The following THADA variants were observed in gnomAD, a reference collection of about 807,000 sequenced individuals.
The protein encoded by THADA is tRNA (32-2'-O)-methyltransferase regulator THADA.
THADA carries 213 observed loss-of-function variants against 219.8 expected under a neutral mutation model. That is an observed-to-expected ratio of 0.97 (90% CI 0.87 to 1.09). The LOEUF (loss-of-function observed/expected upper bound fraction) is 1.09, where lower values mean the gene tolerates loss of function less well. Ranked by LOEUF, THADA falls within the 50% of genes least tolerant of loss-of-function variation. The probability of loss-of-function intolerance (pLI) is 0.00; values close to 1 mark genes in which losing one functional copy is unlikely to be tolerated. For missense variants in THADA, 2,956 were observed against 2,311.3 expected (o/e 1.28, Z -5.72); for synonymous variants, 1,018 against 828.9 (o/e 1.23, Z -3.92).
intron 10 of THADA, among the ~76,000 whole-genome samples, chr2:43,576,279 G>A (rs1470438298): frequency 6.6e-6 from 1 of 152,116 alleles, no homozygotes; most frequent in African/African-American, 2.4e-5. Context: ...GTATTATCAA[G>A]CTGTATATAT....
At chr2:43,368,561 C>A (rs887782509) in intron 29 of THADA, among the ~76,000 whole-genome samples, 1 of 151,720 alleles carries the variant, frequency 6.6e-6, no homozygotes, top group Non-Finnish European at 1.5e-5. Flanking sequence ...CCACCATGTC[C>A]GGCTATTTTT....
Position 43,423,188 on chromosome 2 carries a change from T to A in THADA, c.4058+4912A>T, listed in dbSNP as rs913852799. Among the ~76,000 whole-genome samples the A allele has an allele frequency of 4.6e-5, 7 of 152,256 alleles. No homozygotes were observed. The East Asian group carries it at 7.7e-4, about 17-fold the overall frequency. On this transcript the variant is annotated intron_variant, in intron 28 of 37. Transcript: ENST00000405975. The stretch of plus-strand genomic sequence containing the variant: ...TGTCAGTCCTATGCTTGAAGGTTAT[T>A]TTGAATCTTAATTTGCTCACAAATT...
intron 31 of THADA, among the ~76,000 whole-genome samples, chr2:43,297,784 C>T (rs1675701301): frequency 8.3e-6 from 1 of 120,396 alleles, no homozygotes; most frequent in Admixed American, 7.6e-5. Flanking sequence ...GGGGGGTCGG[C>T]CCCCCGCCCG....
At position 43,590,845 on chromosome 2, in the gene THADA, G is replaced by C; in HGVS notation, c.281C>G (p.Pro94Arg). Residue 94 changes from proline (P) to arginine (R), a missense_variant, in exon 4 of 38, where the codon CCC becomes CGC. Pro to Arg is a moderately radical substitution (Grantham distance 103). Transcript: ENST00000405975. ...TTACCTTGCCAATACTTTCTTCAAG[G>C]GATTCTTTAGACTCAAAGAAAGATA... is the stretch of plus-strand genomic sequence containing the variant. Reference protein sequence around the residue: ...GIYLSLSLKNPLKKVLASSLN... With the variant: ...GIYLSLSLKNRLKKVLASSLN... The C allele has an allele frequency of 6.2e-7, 1 of 1,613,004 alleles. No homozygotes were observed. The highest frequency in any genetic ancestry group is 8.5e-7 in the Non-Finnish European group (1 of 1,179,554).
In THADA at chr2:43,577,004, G is replaced by A. The variant is rs768310649; in HGVS notation, c.1037+18C>T. 12 of 1,599,590 alleles carry A rather than the reference G, an allele frequency of 7.5e-6. No homozygotes were observed. The highest frequency in any genetic ancestry group is 4.5e-5 in the East Asian group (2 of 44,638). On this transcript the variant is annotated intron_variant, in intron 10 of 37. Transcript: ENST00000405975. Reference sequence around the variant, plus strand: ...TTACAAGTGAAACAAAATATGAGACGATAGCATCAAAACTCACTGTGAACT... The same window carrying A: ...TTACAAGTGAAACAAAATATGAGACAATAGCATCAAAACTCACTGTGAACT...
chr2:43,414,746 C>A (rs190044806), intron 28 of THADA, among the ~76,000 whole-genome samples: 1 of 152,306 alleles, frequency 6.6e-6, no homozygotes, highest in Non-Finnish European at 1.5e-5. Flanking sequence ...ACTCCCCTCA[C>A]TGCTTCTCTG....
intron 29 of THADA, among the ~76,000 whole-genome samples, chr2:43,364,398 T>C (rs1669886812): frequency 6.6e-6 from 1 of 152,222 alleles, no homozygotes. Flanking sequence ...GTTAGTTCTT[T>C]GTTGTCAGGT....
chr2:43,586,713 AG>A lies in THADA; in HGVS notation c.472del (p.Leu158CysfsTer13). 6.2e-7 allele frequency: 1 copy of A among 1,611,956 alleles called. No homozygotes were observed. Among genetic ancestry groups the A allele is most frequent in the African/African-American group, 1.3e-5 (1 of 74,944 alleles). On this transcript the variant is annotated frameshift_variant, in exon 6 of 38. Coordinates refer to ENST00000405975, the MANE Select transcript of THADA (RefSeq NM_022065.5). LOFTEE classifies it high-confidence loss of function. The stretch of plus-strand genomic sequence containing the variant: ...ATAATAGGACTTACCATTTTTAAGC[AG>A]ATTATTAACACTTGCTCTACCTGTA... ...FNLGRASVNNLLKNVLHFLQK... is the reference protein window; with the variant it reads ...FNLGRASVNNXLKNVLHFLQK...
At chr2:43,289,007 G>A (rs6544640) in intron 34 of THADA, among the ~76,000 whole-genome samples, 47,074 of 151,998 alleles carry the variant, frequency 0.31, 8,347 homozygotes, top group African/African-American at 0.48. Flanking sequence ...GTCTCTATCA[G>A]TTTGCCAATT....
At chr2:43,352,368 G>A (rs1668372376) in intron 29 of THADA, among the ~76,000 whole-genome samples, 1 of 152,038 alleles carries the variant, frequency 6.6e-6, no homozygotes, top group African/African-American at 2.4e-5. Flanking sequence ...GACCAGCCTG[G>A]CCAACATGGC....
chr2:43,264,084 C>G (rs1440358365), intron 36 of THADA, among the ~76,000 whole-genome samples: 1 of 152,110 alleles, frequency 6.6e-6, no homozygotes, highest in Non-Finnish European at 1.5e-5. Context: ...TTACTCTCAC[C>G]TTCTTCCCTG....
chr2:43,389,913 C>T (rs1466410902), intron 29 of THADA, among the ~76,000 whole-genome samples: 1 of 152,108 alleles, frequency 6.6e-6, no homozygotes, highest in African/African-American at 2.4e-5. Flanking sequence ...TCTGCAGTGT[C>T]AATGGTTTAT....
chr2:43,241,650 AG>A (rs1212516654), intron 36 of THADA, among the ~76,000 whole-genome samples: 1 of 151,890 alleles, frequency 6.6e-6, no homozygotes, highest in Non-Finnish European at 1.5e-5. Context: ...TTTGAAAATT[AG>A]GAAAATCAGA....
Position 43,543,285 on chromosome 2 carries a change from T to C in THADA, c.3107-1969A>G, listed in dbSNP as rs187545433. 1.6e-4 allele frequency among the ~76,000 whole-genome samples: 21 copies of C among 132,460 alleles called. 2 individuals are homozygous for C. The highest frequency in any genetic ancestry group is 7.2e-5 in the Admixed American group (1 of 13,848). The allele number at this position is 132,460 out of a possible 152,430, so 86.9% of individuals were successfully genotyped here. On this transcript the variant is annotated intron_variant, in intron 20 of 37. Transcript: ENST00000405975. Reference sequence around the variant, plus strand: ...AATCCAGTCTATCATTGTTGGACATTTGGGTTGCTTCCAAGTCTTTGCTAT... The same window carrying C: ...AATCCAGTCTATCATTGTTGGACATCTGGGTTGCTTCCAAGTCTTTGCTAT...
intron 36 of THADA, among the ~76,000 whole-genome samples, chr2:43,239,160 G>A (rs915026267): frequency 2.0e-5 from 3 of 152,210 alleles, no homozygotes; most frequent in African/African-American, 7.2e-5. Flanking sequence ...CCATCCTTGT[G>A]AAGGGATAAC....
At chr2:43,324,869 A>G (rs1410221457) in intron 30 of THADA, among the ~76,000 whole-genome samples, 1 of 152,136 alleles carries the variant, frequency 6.6e-6, no homozygotes, top group Non-Finnish European at 1.5e-5. Context: ...CAGCATAATG[A>G]AGATTTATAG....
At chr2:43,458,047 G>T (rs1316403160) in intron 26 of THADA, among the ~76,000 whole-genome samples, 1 of 152,030 alleles carries the variant, frequency 6.6e-6, no homozygotes, top group East Asian at 1.9e-4. Flanking sequence ...AATGGCCAAG[G>T]CTTATTTATG....
At chr2:43,559,637 A>C (rs554400193) in intron 16 of THADA, among the ~76,000 whole-genome samples, 65 of 152,308 alleles carry the variant, frequency 4.3e-4, no homozygotes, top group African/African-American at 1.5e-3. Flanking sequence ...CAATGTGTTC[A>C]CTTCCAACCC....
Position 43,536,662 on chromosome 2 carries a change from C to T in THADA, c.3264+4497G>A, listed in dbSNP as rs899483133. The stretch of plus-strand genomic sequence containing the variant: ...CATGTTTCCAGGCAGGTATAATTCA[C>T]CAACAGACTAATTAGGGGATCTAAA... On this transcript the variant is annotated intron_variant, in intron 21 of 37. Transcript: ENST00000405975. Among the ~76,000 whole-genome samples, 5 of 151,944 alleles carry T rather than the reference C, an allele frequency of 3.3e-5. No homozygotes were observed. In the East Asian group the frequency reaches 9.7e-4, roughly 29 times the overall value.
Sources: gnomAD v4.1 joint callset for allele counts (sites outside exome capture counted in the v4.1 genomes callset) on GRCh38, gnomAD v4.1.1 for gene constraint, MANE v1.5 for transcripts, NCBI Gene and HGNC (gene_info 2026-07-23, HGNC 2026-07-21) for gene names.